The following COBL variants were observed in gnomAD, a reference collection of about 807,000 sequenced individuals.
COBL encodes the protein protein cordon-bleu.
Under a neutral mutation model 98.8 loss-of-function variants are expected in COBL, and 51 were observed. That is an observed-to-expected ratio of 0.52 (90% CI 0.41 to 0.65). The LOEUF (loss-of-function observed/expected upper bound fraction) is 0.65, where lower values mean the gene tolerates loss of function less well. Among genes scored for constraint, COBL ranks in the 30% least tolerant of loss-of-function variants. The probability of loss-of-function intolerance (pLI) is 0.00; values close to 1 mark genes in which losing one functional copy is unlikely to be tolerated. For synonymous variants in COBL, 634 were observed against 651.7 expected (o/e 0.97, Z 0.41); for missense variants, 1,617 against 1,617.5 (o/e 1.00, Z 0.01).
chr7:51,031,163 G>A, intron 8 of COBL: 4 of 442,768 alleles, frequency 9.0e-6, no homozygotes, highest in South Asian at 8.2e-5. Flanking sequence ...TCTTGTATGT[G>A]GTGGACATGT....
intron 8 of COBL, among the ~76,000 whole-genome samples, chr7:51,042,565 T>C (rs1173285706): frequency 6.6e-6 from 1 of 151,844 alleles, no homozygotes; most frequent in Non-Finnish European, 1.5e-5. Context: ...TCTCACTATA[T>C]TGACCATGCT....
At chr7:51,088,031 G>C (rs1026661555) in intron 6 of COBL, among the ~76,000 whole-genome samples, 1 of 150,366 alleles carries the variant, frequency 6.7e-6, no homozygotes, top group Non-Finnish European at 1.5e-5. Context: ...CCCGGATCCA[G>C]AGTGGGGCTC....
chr7:51,210,703 C>T (rs958180642), intron 2 of COBL, among the ~76,000 whole-genome samples: 1 of 152,192 alleles, frequency 6.6e-6, no homozygotes, highest in African/African-American at 2.4e-5. Flanking sequence ...GTGACCCTTC[C>T]CAGTCTCATG....
rs558994461 is a variant in COBL, at chr7:51,281,657, A to C, written c.41+34936T>G. ...TTAAAGTACTGAGATAAAAAAAAAA[A>C]AAACTGTAAACCATGTTACTATATC... On this transcript the variant is annotated intron_variant, in intron 1 of 12. Transcript: ENST00000265136. 6.6e-4 allele frequency among the ~76,000 whole-genome samples: 101 copies of C among 152,258 alleles called. 1 individual carries two copies. The Middle Eastern group carries it at 0.01, about 15-fold the overall frequency.
At chr7:51,071,888 A>G (rs1468854144) in intron 7 of COBL, 1 of 148,146 alleles carries the variant, frequency 6.8e-6, no homozygotes, top group African/African-American at 2.5e-5. Flanking sequence ...ACTGCTACTT[A>G]TCAGACAAAA....
intron 5 of COBL, among the ~76,000 whole-genome samples, chr7:51,149,195 CAG>C (rs1785323904): frequency 6.6e-6 from 1 of 152,220 alleles, no homozygotes; most frequent in African/African-American, 2.4e-5. Context: ...TTCTCATGAA[CAG>C]AGTCATCTCC....
chr7:51,160,033 C>A (rs1180035771), intron 5 of COBL, among the ~76,000 whole-genome samples: 1 of 152,172 alleles, frequency 6.6e-6, no homozygotes, highest in African/African-American at 2.4e-5. Context: ...GCTGGGACTA[C>A]AGACACCTGC....
chr7:51,202,190 A>C (rs777851031), intron 2 of COBL, among the ~76,000 whole-genome samples: 1 of 152,194 alleles, frequency 6.6e-6, no homozygotes, highest in African/African-American at 2.4e-5. Context: ...GTGAAAAGGT[A>C]AAAGTTCCTG....
chr7:51,154,427 A>G (rs1785896303), intron 5 of COBL, among the ~76,000 whole-genome samples: 1 of 152,258 alleles, frequency 6.6e-6, no homozygotes, highest in African/African-American at 2.4e-5. Flanking sequence ...CATCACTCAC[A>G]GTTCCATGGG....
At chr7:51,246,320 C>T (rs1563083988) in intron 1 of COBL, among the ~76,000 whole-genome samples, 1 of 152,188 alleles carries the variant, frequency 6.6e-6, no homozygotes, top group Non-Finnish European at 1.5e-5. Context: ...CAGGGGCCGC[C>T]TCCTCTGTCC....
intron 12 of COBL, among the ~76,000 whole-genome samples, chr7:51,024,878 C>T (rs1033687703): frequency 6.6e-6 from 1 of 152,142 alleles, no homozygotes; most frequent in African/African-American, 2.4e-5. Context: ...GAGCTGAGGA[C>T]TGGAGCTGGC....
chr7:51,241,219 A>T (rs925826717), intron 1 of COBL, among the ~76,000 whole-genome samples: 4 of 152,240 alleles, frequency 2.6e-5, no homozygotes, highest in African/African-American at 9.6e-5. Flanking sequence ...GCTTCAATGA[A>T]GTCTCAACGT....
chr7:51,112,071 G>A (rs1288676369), intron 6 of COBL, among the ~76,000 whole-genome samples: 1 of 152,136 alleles, frequency 6.6e-6, no homozygotes, highest in Non-Finnish European at 1.5e-5. Context: ...TCAGGTGGAT[G>A]TCTATTTCTA....
chr7:51,315,719 G>C (rs1312531431), intron 1 of COBL, among the ~76,000 whole-genome samples: 1 of 151,946 alleles, frequency 6.6e-6, no homozygotes, highest in Non-Finnish European at 1.5e-5. Flanking sequence ...TGGCCGGGAT[G>C]AGCACGGCGC....
chr7:51,236,351 C>G (rs1795258852), intron 1 of COBL, among the ~76,000 whole-genome samples: 1 of 152,132 alleles, frequency 6.6e-6, no homozygotes, highest in East Asian at 1.9e-4. Flanking sequence ...GAGGAAGAGA[C>G]AATTTTTCCA....
At chr7:51,018,509 G>A (rs1351362971) in intron 12 of COBL, 1 of 152,084 alleles carries the variant, frequency 6.6e-6, no homozygotes, top group African/African-American at 2.4e-5. Flanking sequence ...GAACTCCCAT[G>A]GTGGGGATTT....
intron 1 of COBL, among the ~76,000 whole-genome samples, chr7:51,284,588 G>T (rs1313653435): frequency 2.0e-5 from 3 of 151,898 alleles, no homozygotes; most frequent in African/African-American, 7.3e-5. Flanking sequence ...CAGCACTTTG[G>T]GAGGCCGAGG....
At chr7:51,039,538 C>A (rs1788966250) in intron 8 of COBL, among the ~76,000 whole-genome samples, 2 of 152,244 alleles carry the variant, frequency 1.3e-5, no homozygotes, top group African/African-American at 2.4e-5. Context: ...GAATGCCAAG[C>A]CTGTCCCTGG....
intron 1 of COBL, among the ~76,000 whole-genome samples, chr7:51,246,440 T>A (rs1017043083): frequency 5.9e-5 from 9 of 152,094 alleles, no homozygotes; most frequent in Non-Finnish European, 1.3e-4. Context: ...CCACTTCCAA[T>A]CATGGCTCAC....
Sources: gnomAD v4.1 joint callset for allele counts (sites outside exome capture counted in the v4.1 genomes callset) on GRCh38, gnomAD v4.1.1 for gene constraint, MANE v1.5 for transcripts, NCBI Gene and HGNC (gene_info 2026-07-23, HGNC 2026-07-21) for gene names.